Variants in FRMD4B observed in about 807,000 individuals in gnomAD.
FRMD4B encodes the protein FERM domain-containing protein 4B.
FRMD4B carries 74 observed loss-of-function variants against 141.5 expected under a neutral mutation model. The observed-to-expected ratio is 0.52, with a 90% CI of 0.43 to 0.63. The LOEUF is 0.63. Among genes scored for constraint, FRMD4B ranks in the 30% least tolerant of loss-of-function variants. FRMD4B has a pLI of 0.00. For missense variants in FRMD4B, 1,366 were observed against 1,253.4 expected, an observed-to-expected ratio of 1.09 and a Z score of -1.36; for synonymous variants, 506 against 467.9, an observed-to-expected ratio of 1.08 and a Z score of -1.05.
chr3:69,223,137 G>A (rs1331684397), intron 8 of FRMD4B, among the ~76,000 whole-genome samples: 1 of 152,120 alleles, frequency 6.6e-6, no homozygotes, highest in African/African-American at 2.4e-5. Context: ...TGACTGGAAA[G>A]GAAATCTCAA....
At chr3:69,265,598 C>G (rs1170100702) in intron 5 of FRMD4B, among the ~76,000 whole-genome samples, 1 of 151,212 alleles carries the variant, frequency 6.6e-6, no homozygotes, top group Non-Finnish European at 1.5e-5. Context: ...TAGGCGCCCA[C>G]CACCAAGCCC....
chr3:69,532,814 C>A (rs1341074775), intron 1 of FRMD4B, among the ~76,000 whole-genome samples: 1 of 152,240 alleles, frequency 6.6e-6, no homozygotes, highest in African/African-American at 2.4e-5. Context: ...GACAACAATC[C>A]TCAGCCACAT....
intron 2 of FRMD4B, among the ~76,000 whole-genome samples, chr3:69,397,371 GA>G: frequency 6.6e-6 from 1 of 152,192 alleles, no homozygotes; most frequent in South Asian, 2.1e-4. Context: ...ATTTCTTTTT[GA>G]GGTGATGAAA....
intron 5 of FRMD4B, among the ~76,000 whole-genome samples, chr3:69,255,258 A>G (rs892033379): frequency 9.9e-5 from 15 of 152,242 alleles, no homozygotes; most frequent in African/African-American, 3.4e-4. Context: ...AAAAATTTAC[A>G]TATGAAAGGA....
At chr3:69,400,674 AC>A (rs1704549282) in intron 2 of FRMD4B, among the ~76,000 whole-genome samples, 1 of 152,140 alleles carries the variant, frequency 6.6e-6, no homozygotes, top group Non-Finnish European at 1.5e-5. Flanking sequence ...TCTGGATGTG[AC>A]CTACCTTACT....
In FRMD4B at chr3:69,171,014, A is replaced by G. The variant is rs928491260; in HGVS notation, c.*847T>C. The G allele has an allele frequency of 6.6e-6, 1 of 152,172 alleles. No homozygotes were observed. The highest frequency in any genetic ancestry group is 1.5e-5 in the Non-Finnish European group (1 of 68,040). The allele number at this position is 152,172 out of a possible 1,614,324, so 9.4% of individuals were successfully genotyped here. ...ACTCATAATTATAAAAACTTTCCATATTAAGTCTGCCACTTCAAATGACAG... is the reference window on the plus strand; with the variant it reads ...ACTCATAATTATAAAAACTTTCCATGTTAAGTCTGCCACTTCAAATGACAG... On this transcript the variant is annotated 3_prime_UTR_variant, in exon 23 of 23. Coordinates refer to ENST00000398540, the MANE Select transcript of FRMD4B (RefSeq NM_015123.3).
intron 1 of FRMD4B, chr3:69,536,235 C>T: frequency 5.0e-6 from 3 of 605,598 alleles, no homozygotes; most frequent in Middle Eastern, 2.7e-4. Context: ...TTCTTGGCGT[C>T]CTTCCCCTTG....
chr3:69,501,264 C>G lies in FRMD4B; in HGVS notation c.-129+40942G>C, dbSNP rs187538743. On this transcript the variant is annotated intron_variant, in intron 1 of 5. Coordinates refer to the FRMD4B transcript ENST00000459638. ...TTTTTTTTTTTAGCTAATCAGCTAT[C>G]CTTAGCGTTAGTATATTTTATGTGT... Among the ~76,000 whole-genome samples the G allele has an allele frequency of 1.0e-4, 15 of 143,376 alleles. No homozygotes were observed. In the East Asian group the frequency reaches 2.8e-3, roughly 27 times the overall value. 94.1% of individuals were successfully genotyped at this position (143,376 alleles called of 152,430 possible). A position where few individuals can be genotyped will look rare whatever the true frequency, so the allele number is the denominator to read the frequency against.
intron 1 of FRMD4B, among the ~76,000 whole-genome samples, chr3:69,485,851 C>T (rs1706206401): frequency 6.6e-6 from 1 of 152,262 alleles, no homozygotes. Context: ...TGTCCACCTC[C>T]CTGTGCCCTC....
chr3:69,283,006 CA>C (rs1158513046), intron 5 of FRMD4B, among the ~76,000 whole-genome samples: 1 of 152,086 alleles, frequency 6.6e-6, no homozygotes, highest in African/African-American at 2.4e-5. Context: ...AAAATTATCT[CA>C]ATAACAGTCA....
At chr3:69,277,682 C>A (rs1228435831) in intron 5 of FRMD4B, among the ~76,000 whole-genome samples, 2 of 151,736 alleles carry the variant, frequency 1.3e-5, no homozygotes, top group Non-Finnish European at 2.9e-5. Context: ...CAGGCACGCA[C>A]CACCACGCCC....
chr3:69,224,524 T>G, intron 8 of FRMD4B, 83 bp downstream of exon 8: 1 of 722,410 alleles, frequency 1.4e-6, no homozygotes, highest in South Asian at 1.5e-5. Context: ...TTCCCACTTA[T>G]ATTTCTTTTA....
intron 2 of FRMD4B, among the ~76,000 whole-genome samples, chr3:69,427,652 T>G (rs973147293): frequency 8.3e-6 from 1 of 119,896 alleles, no homozygotes; most frequent in Non-Finnish European, 1.7e-5. Context: ...TGTTTTTTTT[T>G]TTTTTTTTTT....
At chr3:69,475,455 T>C (rs972895816) in intron 1 of FRMD4B, among the ~76,000 whole-genome samples, 2 of 147,490 alleles carry the variant, frequency 1.4e-5, no homozygotes, top group African/African-American at 2.5e-5. Context: ...GAATATGTGG[T>C]GTTTGGTTTT....
At chr3:69,489,939 G>A (rs1046465075) in intron 1 of FRMD4B, among the ~76,000 whole-genome samples, 1 of 152,166 alleles carries the variant, frequency 6.6e-6, no homozygotes, top group Admixed American at 6.5e-5. Context: ...CAACAGGGTT[G>A]AACCTCAAAC....
intron 1 of FRMD4B, among the ~76,000 whole-genome samples, chr3:69,444,532 T>C (rs1216600794): frequency 1.3e-5 from 2 of 152,208 alleles, no homozygotes; most frequent in Non-Finnish European, 2.9e-5. Context: ...TCCAGCTCTA[T>C]CATTTTATGA....
chr3:69,391,670 GTC>G (rs1355376491), intron 2 of FRMD4B, among the ~76,000 whole-genome samples: 1 of 152,166 alleles, frequency 6.6e-6, no homozygotes, highest in Non-Finnish European at 1.5e-5. Flanking sequence ...TGTTATGAAA[GTC>G]TCTGACTGTA....
chr3:69,299,411 C>T (rs1198268968), intron 4 of FRMD4B, among the ~76,000 whole-genome samples: 1 of 152,148 alleles, frequency 6.6e-6, no homozygotes, highest in Non-Finnish European at 1.5e-5. Flanking sequence ...GACAACATCC[C>T]TGGTAACAGT....
At chr3:69,290,278 T>A (rs946006571) in intron 4 of FRMD4B, among the ~76,000 whole-genome samples, 3 of 152,028 alleles carry the variant, frequency 2.0e-5, no homozygotes, top group African/African-American at 7.2e-5. Flanking sequence ...CTTAGAGACT[T>A]GAGGGGCGGG....
Sources: gnomAD v4.1 joint callset for allele counts (sites outside exome capture counted in the v4.1 genomes callset) on GRCh38, gnomAD v4.1.1 for gene constraint, MANE v1.5 for transcripts, NCBI Gene and HGNC (gene_info 2026-07-23, HGNC 2026-07-21) for gene names.